FHIT: variants seen among roughly 807,000 people sequenced by gnomAD.
FHIT encodes the protein bis(5'-adenosyl)-triphosphatase.
In FHIT, 19 loss-of-function variants were observed where a neutral mutation model predicts 17.9. The ratio of observed to expected loss-of-function variants is 1.06; its 90% CI spans 0.74 to 1.56. The LOEUF (loss-of-function observed/expected upper bound fraction) is 1.56, where lower values mean the gene tolerates loss of function less well. FHIT is among the 40% of genes most tolerant of loss of function. The pLI is 0.00. For missense variants in FHIT, 248 were observed against 189.2 expected (o/e 1.31, Z -1.82); for synonymous variants, 81 against 69.7 (o/e 1.16, Z -0.81).
At chr3:61,081,970 T>C (rs371825883) in intron 2 of FHIT, among the ~76,000 whole-genome samples, 3 of 152,234 alleles carry the variant, frequency 2.0e-5, no homozygotes, top group East Asian at 3.9e-4. Flanking sequence ...ATCTGTCAAC[T>C]TCTTTCTATA....
intron 5 of FHIT, among the ~76,000 whole-genome samples, chr3:60,058,913 G>A (rs1307524871): frequency 1.3e-5 from 2 of 152,184 alleles, no homozygotes; most frequent in African/African-American, 2.4e-5. Flanking sequence ...CAAAAGCTTG[G>A]GCAGAGAGTC....
chr3:61,015,552 C>A (rs2032060312), intron 3 of FHIT, among the ~76,000 whole-genome samples: 1 of 152,162 alleles, frequency 6.6e-6, no homozygotes, highest in Non-Finnish European at 1.5e-5. Context: ...TCAGGAATGT[C>A]ACTATGGCTT....
intron 4 of FHIT, among the ~76,000 whole-genome samples, chr3:60,680,772 G>C (rs1316898277): frequency 1.1e-4 from 16 of 152,124 alleles, no homozygotes; most frequent in African/African-American, 3.6e-4. Context: ...GATGCTAAAA[G>C]GCCATCATAC....
chr3:60,413,421 A>G (rs242195), intron 5 of FHIT, among the ~76,000 whole-genome samples: 38,997 of 152,124 alleles, frequency 0.26, 6,505 homozygotes, highest in Non-Finnish European at 0.37. Flanking sequence ...CAATGAAAGT[A>G]GCTCAGAACA....
intron 4 of FHIT, among the ~76,000 whole-genome samples, chr3:60,795,388 C>T (rs782572419): frequency 3.3e-5 from 5 of 152,060 alleles, no homozygotes; most frequent in Non-Finnish European, 5.9e-5. Flanking sequence ...GTTTGGGTAA[C>T]TTATTTACCT....
chr3:60,351,356 G>GC (rs2106944738), intron 5 of FHIT, among the ~76,000 whole-genome samples: 1 of 152,270 alleles, frequency 6.6e-6, no homozygotes, highest in South Asian at 2.1e-4. Flanking sequence ...TCTCACAGCA[G>GC]CCCAATACCT....
intron 5 of FHIT, among the ~76,000 whole-genome samples, chr3:60,195,066 T>C (rs536110154): frequency 6.6e-6 from 1 of 152,234 alleles, no homozygotes; most frequent in South Asian, 2.1e-4. Flanking sequence ...CTCAGGGGGC[T>C]GAGGCAGGAG....
At chr3:59,963,791 G>A (rs907055522) in intron 7 of FHIT, among the ~76,000 whole-genome samples, 1 of 152,170 alleles carries the variant, frequency 6.6e-6, no homozygotes, top group Non-Finnish European at 1.5e-5. Context: ...TAGGGAAAAT[G>A]GCTTATCTTT....
chr3:60,392,110 T>C (rs1005656189), intron 5 of FHIT, among the ~76,000 whole-genome samples: 1 of 152,178 alleles, frequency 6.6e-6, no homozygotes, highest in East Asian at 1.9e-4. Flanking sequence ...TTTCAAACTT[T>C]TCTTCCATCA....
intron 3 of FHIT, among the ~76,000 whole-genome samples, chr3:61,024,940 T>C (rs2032654471): frequency 6.6e-6 from 1 of 152,126 alleles, no homozygotes; most frequent in South Asian, 2.1e-4. Flanking sequence ...AAGACAGTGT[T>C]TATAAAAGCT....
chr3:60,071,176 T>C (rs116347348), intron 5 of FHIT, among the ~76,000 whole-genome samples: 44 of 152,226 alleles, frequency 2.9e-4, no homozygotes, highest in Non-Finnish European at 4.3e-4. Context: ...GCACCTGAAT[T>C]GTGGCTAGCC....
intron 5 of FHIT, among the ~76,000 whole-genome samples, chr3:60,440,298 T>C (rs892919263): frequency 1.3e-5 from 2 of 152,108 alleles, no homozygotes; most frequent in Admixed American, 6.6e-5. Context: ...TTGGGCTTGT[T>C]ACATTTCCAT....
chr3:60,391,137 GAGATCACACCACTGCACTCC>G (rs1410890621), intron 5 of FHIT, among the ~76,000 whole-genome samples: 1 of 152,038 alleles, frequency 6.6e-6, no homozygotes, highest in African/African-American at 2.4e-5. Context: ...GCAGTGAGCT[GAGATCACACCACTGCACTCC>G]AGCCTGGGCG....
chr3:60,231,237 G>GTACACA (rs1210714921), intron 5 of FHIT, among the ~76,000 whole-genome samples: 2 of 152,060 alleles, frequency 1.3e-5, no homozygotes, highest in African/African-American at 4.8e-5. Flanking sequence ...GTGTGTATAT[G>GTACACA]TACACATACA....
chr3:60,634,204 G>C (rs1363827297), intron 4 of FHIT, among the ~76,000 whole-genome samples: 2 of 152,030 alleles, frequency 1.3e-5, no homozygotes, highest in African/African-American at 4.8e-5. Context: ...TTTCACATGT[G>C]CCTAGATAGA....
At chr3:59,840,922 A>T (rs1701511639) in intron 8 of FHIT, among the ~76,000 whole-genome samples, 1 of 152,142 alleles carries the variant, frequency 6.6e-6, no homozygotes, top group Admixed American at 6.5e-5. Flanking sequence ...ATCATTTAGC[A>T]AATACACTAG....
intron 5 of FHIT, among the ~76,000 whole-genome samples, chr3:60,366,425 T>C (rs922246257): frequency 1.3e-5 from 2 of 152,210 alleles, no homozygotes; most frequent in Non-Finnish European, 2.9e-5. Flanking sequence ...GTGCCCAGCC[T>C]GCTAACCCCT....
chr3:60,624,159 G>A (rs2039214749), intron 4 of FHIT, among the ~76,000 whole-genome samples: 2 of 152,206 alleles, frequency 1.3e-5, no homozygotes. Context: ...AGAGCCAGTG[G>A]TGTGAAGGCA....
At chr3:60,079,700 C>A (rs1046983300) in intron 5 of FHIT, among the ~76,000 whole-genome samples, 20 of 152,048 alleles carry the variant, frequency 1.3e-4, no homozygotes, top group Non-Finnish European at 1.5e-4. Context: ...AAATGGTGAG[C>A]TCTTCCTTAC....
Sources: allele counts gnomAD v4.1 joint callset (sites outside exome capture counted in the v4.1 genomes callset), GRCh38; gene constraint gnomAD v4.1.1; transcripts MANE v1.5; gene names NCBI Gene and HGNC (gene_info 2026-07-23, HGNC 2026-07-21).